The following AGTR1 variants were observed in gnomAD, a reference collection of about 807,000 sequenced individuals.
AGTR1 encodes the protein angiotensin II receptor type 1.
AGTR1 carries 16 observed loss-of-function variants against 19.4 expected under a neutral mutation model. That is an observed-to-expected ratio of 0.82 (90% CI 0.56 to 1.25). The LOEUF (loss-of-function observed/expected upper bound fraction) is 1.25. Ranked by LOEUF, AGTR1 falls within the 50% of genes most tolerant of loss-of-function variation. The probability of loss-of-function intolerance (pLI) is 0.00; values close to 1 mark genes in which losing one functional copy is unlikely to be tolerated. For missense variants in AGTR1, 373 were observed against 431.9 expected (o/e 0.86, Z 1.21); for synonymous variants, 153 against 154.9 (o/e 0.99, Z 0.09).
intron 2 of AGTR1, among the ~76,000 whole-genome samples, chr3:148,729,243 G>T (rs1714119391): frequency 1.3e-5 from 2 of 152,164 alleles, no homozygotes; most frequent in Non-Finnish European, 2.9e-5. Flanking sequence ...AGGAGATGAT[G>T]GTCTTGGTGT....
intron 2 of AGTR1, among the ~76,000 whole-genome samples, chr3:148,723,444 A>G (rs1713758010): frequency 6.6e-6 from 1 of 152,110 alleles, no homozygotes; most frequent in South Asian, 2.1e-4. Flanking sequence ...ACTACTGATG[A>G]CCTTTTGAAC....
At position 148,703,747 on chromosome 3, in the gene AGTR1, C is replaced by T. The variant is rs12721296; in HGVS notation, c.-131-4197C>T. Among the ~76,000 whole-genome samples, 577 of 152,228 alleles carry T rather than the reference C, an allele frequency of 3.8e-3. 1 individual carries two copies. Among genetic ancestry groups the T allele is most frequent in the African/African-American group, 0.013 (533 of 41,550 alleles). ...CAGTGTCTGCTCTATACTGGGCTAC[C>T]TACTTTTTAAGGCCAACTAATTATT... On this transcript the variant is annotated intron_variant, in intron 1 of 2. Coordinates refer to ENST00000349243, the MANE Select transcript of AGTR1 (RefSeq NM_000685.5).
Position 148,742,096 on chromosome 3 carries a change from C to T in AGTR1, c.1061C>T (p.Pro354Leu), listed in dbSNP as rs533828937. ...AGCTCATCCACCAAGAAGCCTGCACCATGTTTTGAGGTTGAGTGACATGTT... is the reference window on the plus strand; with the variant it reads ...AGCTCATCCACCAAGAAGCCTGCACTATGTTTTGAGGTTGAGTGACATGTT... Reference protein sequence around the residue: ...NVSSSTKKPAPCFEVE With the variant: ...NVSSSTKKPALCFEVE The change falls in exon 3 of 3, where the codon CCA (proline) becomes CTA (leucine). Residue 354 changes from proline (P) to leucine (L), a missense_variant. Physicochemically the swap from Pro to Leu is moderately conservative, Grantham distance 98. Transcript: ENST00000349243. 1 of 1,614,056 alleles carries T rather than the reference C, an allele frequency of 6.2e-7. No homozygotes were observed. The highest frequency in any genetic ancestry group is 1.3e-5 in the African/African-American group (1 of 74,992).
chr3:148,702,467 C>T (rs1189461409), intron 1 of AGTR1, among the ~76,000 whole-genome samples: 1 of 152,156 alleles, frequency 6.6e-6, no homozygotes, highest in African/African-American at 2.4e-5. Flanking sequence ...ATATTAGGCC[C>T]TGAGGATACA....
In AGTR1 at chr3:148,742,252, G is replaced by A. The variant is rs529386910; in HGVS notation, c.*137G>A. 8.8e-6 allele frequency: 11 copies of A among 1,243,634 alleles called. No individual in the cohort carries two copies. In the East Asian group the frequency reaches 1.2e-4, roughly 13 times the overall value. The allele number at this position is 1,243,634 out of a possible 1,614,324, so 77.0% of individuals were successfully genotyped here. On this transcript the variant is annotated 3_prime_UTR_variant, in exon 3 of 3. Coordinates refer to ENST00000349243, the MANE Select transcript of AGTR1 (RefSeq NM_000685.5). ...GAAAATGCATTATGTGGACTGAACC[G>A]ACTTTTCTAAAGCTCTGAACAAAAG...
chr3:148,707,066 G>C (rs1017878655), intron 1 of AGTR1, among the ~76,000 whole-genome samples: 1 of 151,984 alleles, frequency 6.6e-6, no homozygotes, highest in African/African-American at 2.4e-5. Context: ...CTCATTAATA[G>C]CAGACTGGTT....
intron 2 of AGTR1, among the ~76,000 whole-genome samples, chr3:148,718,893 TGTTCTC>T (rs1446871040): frequency 1.3e-5 from 2 of 152,210 alleles, no homozygotes; most frequent in African/African-American, 4.8e-5. Context: ...AAATAAATTT[TGTTCTC>T]GTGATTTGTG....
At chr3:148,711,160 C>A (rs1712964434) in intron 2 of AGTR1, among the ~76,000 whole-genome samples, 1 of 152,096 alleles carries the variant, frequency 6.6e-6, no homozygotes, top group Admixed American at 6.6e-5. Flanking sequence ...ATATAATGAT[C>A]CTGCTGTATT....
At chr3:148,704,740 T>C (rs1712570350) in intron 1 of AGTR1, among the ~76,000 whole-genome samples, 1 of 152,164 alleles carries the variant, frequency 6.6e-6, no homozygotes, top group African/African-American at 2.4e-5. Context: ...ATATCTCCTG[T>C]TTTGACAGGG....
At chr3:148,720,242 A>G (rs1199976516) in intron 2 of AGTR1, among the ~76,000 whole-genome samples, 2 of 152,182 alleles carry the variant, frequency 1.3e-5, no homozygotes, top group Admixed American at 6.5e-5. Context: ...CAACCACATC[A>G]TAAAATCAAG....
intron 2 of AGTR1, among the ~76,000 whole-genome samples, chr3:148,722,336 TA>T (rs1178301398): frequency 3.9e-5 from 6 of 152,110 alleles, no homozygotes; most frequent in African/African-American, 1.4e-4. Context: ...ATGGGAGATA[TA>T]AAAAAGACTG....
At chr3:148,725,632 G>A (rs1482268593) in intron 2 of AGTR1, among the ~76,000 whole-genome samples, 16 of 152,112 alleles carry the variant, frequency 1.1e-4, no homozygotes, top group African/African-American at 3.1e-4. Flanking sequence ...ACAGGCATCC[G>A]CCACCATGCC....
chr3:148,733,129 G>C (rs1362402874), intron 2 of AGTR1, among the ~76,000 whole-genome samples: 2 of 152,288 alleles, frequency 1.3e-5, no homozygotes, highest in Middle Eastern at 3.4e-3. Context: ...CCCAGCCAGT[G>C]AGTGGGAAAG....
chr3:148,722,582 T>C (rs1713709284), intron 2 of AGTR1, among the ~76,000 whole-genome samples: 1 of 152,132 alleles, frequency 6.6e-6, no homozygotes. Context: ...CCCTTTCTCA[T>C]CTCACTCTGG....
At position 148,741,077 on chromosome 3, in the gene AGTR1, C is replaced by A. The variant is rs1013672470; in HGVS notation, c.42C>A (p.Ile14=). 9 of 1,613,902 alleles carry A rather than the reference C, an allele frequency of 5.6e-6. No individual in the cohort carries two copies. In the South Asian group the frequency reaches 9.9e-5, roughly 18 times the overall value. Residue 14 remains isoleucine (I), a synonymous_variant, in exon 3 of 3, where the codon ATC becomes ATA. Coordinates refer to ENST00000349243, the MANE Select transcript of AGTR1 (RefSeq NM_000685.5). ...NSSTEDGIKR[I]QDDCPKAGRH... is the part of the protein sequence containing the mutation. ...CTACTGAAGATGGTATTAAAAGAAT[C>A]CAAGATGATTGTCCCAAAGCTGGAA... is the stretch of plus-strand genomic sequence containing the variant.
At chr3:148,728,318 G>A (rs1483470581) in intron 2 of AGTR1, among the ~76,000 whole-genome samples, 1 of 152,116 alleles carries the variant, frequency 6.6e-6, no homozygotes, top group Non-Finnish European at 1.5e-5. Context: ...AGCATCCAAT[G>A]AATAATAAGT....
chr3:148,708,199 G>C (rs1712780340), intron 2 of AGTR1, among the ~76,000 whole-genome samples, 172 bp downstream of exon 2: 1 of 152,140 alleles, frequency 6.6e-6, no homozygotes, highest in Non-Finnish European at 1.5e-5. Flanking sequence ...CAGATTAAGA[G>C]CGTTTGTATT....
intron 2 of AGTR1, among the ~76,000 whole-genome samples, chr3:148,737,835 T>C (rs1157479235): frequency 6.6e-6 from 1 of 152,170 alleles, no homozygotes; most frequent in African/African-American, 2.4e-5. Context: ...CCAGATTCTT[T>C]CAAGCGAATT....
chr3:148,703,885 C>T (rs1374433335), intron 1 of AGTR1, among the ~76,000 whole-genome samples: 1 of 151,974 alleles, frequency 6.6e-6, no homozygotes, highest in Non-Finnish European at 1.5e-5. Context: ...TTCCTGTCAC[C>T]TTACCTTTAA....
Sources: allele counts gnomAD v4.1 joint callset (sites outside exome capture counted in the v4.1 genomes callset), GRCh38; gene constraint gnomAD v4.1.1; transcripts MANE v1.5; gene names NCBI Gene and HGNC (gene_info 2026-07-23, HGNC 2026-07-21).